GPHN: variants seen among roughly 807,000 people sequenced by gnomAD.
GPHN encodes the protein gephyrin.
A neutral mutation model predicts 95.5 loss-of-function variants in GPHN; 17 were observed. The ratio of observed to expected loss-of-function variants is 0.18; its 90% CI spans 0.12 to 0.27. The LOEUF is 0.27. Ranked by LOEUF, GPHN falls within the 10% of genes least tolerant of loss-of-function variation. The pLI is 1.00. For synonymous variants in GPHN, 320 were observed against 322.5 expected, an observed-to-expected ratio of 0.99 and a Z score of 0.08; for missense variants, 660 against 978.1, an observed-to-expected ratio of 0.67 and a Z score of 4.34.
intron 8 of GPHN, among the ~76,000 whole-genome samples, chr14:66,951,527 A>T (rs1259205146): frequency 2.6e-5 from 4 of 151,962 alleles, no homozygotes; most frequent in Non-Finnish European, 5.9e-5. Context: ...AAAAAAAAAA[A>T]AAAAGGAAGG....
chr14:66,614,509 C>T (rs775454401), intron 1 of GPHN, among the ~76,000 whole-genome samples: 11 of 150,450 alleles, frequency 7.3e-5, no homozygotes, highest in Non-Finnish European at 1.2e-4. Context: ...ATACTTTTTG[C>T]TTTTCTACAT....
rs1415583772 is a variant in GPHN, at chr14:66,922,866, G to T, written c.657G>T (p.Lys219Asn). Residue 219 changes from lysine (K) to asparagine (N), a missense_variant, in exon 7 of 23, where the codon AAG (lysine) becomes AAT (asparagine). Around this residue, in one of 6 missense-constraint regions of GPHN, gnomAD observed 190 missense variants for 224.7 expected, o/e 0.85. Coordinates refer to ENST00000478722, the MANE Select transcript of GPHN (RefSeq NM_020806.5). ...AATGTGAGGAAGAGGAAGAAGAGAA[G>T]AAAGACAGTGGTGTTGCTTCAACAG... ...GVQCEEEEEE[K>N]KDSGVASTED... 1 of 1,613,432 alleles carries T rather than the reference G, an allele frequency of 6.2e-7. No individual in the cohort carries two copies. Among genetic ancestry groups the T allele is most frequent in the South Asian group, 1.1e-5 (1 of 91,068 alleles).
chr14:67,223,932 A>G, the GPHN span: 1 of 985,294 alleles, frequency 1.0e-6, no homozygotes. Flanking sequence ...TTGGAGTACA[A>G]ATTAAAAATG....
chr14:67,589,508 A>G, the GPHN span: 5 of 985,294 alleles, frequency 5.1e-6, no homozygotes, highest in Non-Finnish European at 6.0e-6. Flanking sequence ...TTGTTTGTCA[A>G]TAAAAAGCAG....
At chr14:66,774,610 T>G (rs1365167940) in intron 2 of GPHN, among the ~76,000 whole-genome samples, 2 of 152,210 alleles carry the variant, frequency 1.3e-5, no homozygotes, top group African/African-American at 4.8e-5. Flanking sequence ...TCCACTTATA[T>G]TGTTTAATGA....
intron 9 of GPHN, among the ~76,000 whole-genome samples, chr14:67,007,467 A>C (rs945445932): frequency 2.0e-5 from 3 of 152,204 alleles, no homozygotes; most frequent in Admixed American, 6.5e-5. Context: ...CCCTTTCCAC[A>C]TATCAAGTTT....
intron 1 of GPHN, among the ~76,000 whole-genome samples, chr14:66,616,037 G>A (rs547810557): frequency 2.9e-4 from 44 of 151,680 alleles, no homozygotes; most frequent in African/African-American, 1.0e-3. Context: ...GTAGATGTGT[G>A]GTGTTATTTC....
At chr14:66,819,750 ATAAAAT>A (rs1454925671) in intron 3 of GPHN, among the ~76,000 whole-genome samples, 2 of 152,200 alleles carry the variant, frequency 1.3e-5, no homozygotes, top group Non-Finnish European at 2.9e-5. Flanking sequence ...CAGTAAAAAA[ATAAAAT>A]GTACTTCAAA....
chr14:66,774,404 A>T (rs1016596018), intron 2 of GPHN, among the ~76,000 whole-genome samples: 1 of 152,174 alleles, frequency 6.6e-6, no homozygotes, highest in Non-Finnish European at 1.5e-5. Flanking sequence ...AAATAATTTG[A>T]ATGCAATTAG....
the GPHN span, among the ~76,000 whole-genome samples, chr14:67,545,584 T>A: frequency 1.3e-5 from 2 of 152,050 alleles, no homozygotes; most frequent in East Asian, 3.9e-4. Flanking sequence ...CAGAAATAAA[T>A]CCAAATATAT....
intron 1 of GPHN, among the ~76,000 whole-genome samples, chr14:66,543,489 T>C (rs2059424493): frequency 6.6e-6 from 1 of 152,296 alleles, no homozygotes; most frequent in African/African-American, 2.4e-5. Flanking sequence ...TGCTTACAAC[T>C]CCTAAATTTA....
chr14:67,518,834 G>A, the GPHN span, among the ~76,000 whole-genome samples: 1 of 152,232 alleles, frequency 6.6e-6, no homozygotes, highest in Non-Finnish European at 1.5e-5. Flanking sequence ...GGTGATTCCA[G>A]TGGAGGAACT....
intron 3 of GPHN, among the ~76,000 whole-genome samples, chr14:66,822,229 C>T (rs552552565): frequency 4.6e-5 from 7 of 152,318 alleles, no homozygotes; most frequent in South Asian, 2.1e-4. Flanking sequence ...GGATTACAGG[C>T]GTGAGCCACT....
chr14:67,532,877 A>T, the GPHN span, among the ~76,000 whole-genome samples: 9 of 152,192 alleles, frequency 5.9e-5, no homozygotes. Flanking sequence ...CTTGTCCCGC[A>T]GCCCGCGAGG....
intron 5 of GPHN, among the ~76,000 whole-genome samples, chr14:66,882,620 A>C (rs1293754710): frequency 1.3e-5 from 2 of 151,718 alleles, no homozygotes; most frequent in Non-Finnish European, 3.0e-5. Context: ...AATAGTACCA[A>C]ATTTCTTGGA....
intron 1 of GPHN, among the ~76,000 whole-genome samples, chr14:66,563,860 G>A (rs891035243): frequency 2.6e-5 from 4 of 152,006 alleles, no homozygotes; most frequent in African/African-American, 7.2e-5. Context: ...GTAATTTCTA[G>A]TCTGGCTTTT....
At chr14:66,746,167 A>G (rs149662735) in intron 2 of GPHN, among the ~76,000 whole-genome samples, 1 of 152,316 alleles carries the variant, frequency 6.6e-6, no homozygotes, top group African/African-American at 2.4e-5. Flanking sequence ...TGGTATGAAC[A>G]TAAGTTTTCA....
chr14:67,061,007 C>T (rs775269073), intron 11 of GPHN, among the ~76,000 whole-genome samples: 1 of 152,082 alleles, frequency 6.6e-6, no homozygotes, highest in Non-Finnish European at 1.5e-5. Flanking sequence ...GTTCTACATT[C>T]CCTCTGTTAC....
intron 17 of GPHN, among the ~76,000 whole-genome samples, chr14:67,138,012 T>C (rs1056949621): frequency 6.6e-6 from 1 of 152,216 alleles, no homozygotes; most frequent in African/African-American, 2.4e-5. Flanking sequence ...TTTGTTTCTA[T>C]CAGTATTTGG....
Sources: allele counts gnomAD v4.1 joint callset (sites outside exome capture counted in the v4.1 genomes callset), GRCh38; gene constraint gnomAD v4.1.1; regional missense constraint gnomAD v4.1.1; transcripts MANE v1.5; gene names NCBI Gene and HGNC (gene_info 2026-07-23, HGNC 2026-07-21).